Variants in LRCH1 observed in about 807,000 individuals in gnomAD.
The protein encoded by LRCH1 is leucine-rich repeat and calponin homology domain-containing protein 1.
Under a neutral mutation model 94.9 loss-of-function variants are expected in LRCH1, and 23 were observed. The ratio of observed to expected loss-of-function variants is 0.24; its 90% CI spans 0.17 to 0.34. The LOEUF is 0.34. Among genes scored for constraint, LRCH1 ranks in the 10% least tolerant of loss-of-function variants. LRCH1 has a pLI of 1.00. For synonymous variants in LRCH1, 364 were observed against 354.9 expected (o/e 1.03, Z -0.29); for missense variants, 790 against 945.9 (o/e 0.84, Z 2.16).
chr13:46,573,866 A>ATATATATATACATATTGT, intron 1 of LRCH1, among the ~76,000 whole-genome samples: 1 of 63,420 alleles, frequency 1.6e-5, no homozygotes, highest in African/African-American at 5.2e-5. Context: ...ATATATATAT[A>ATATATATATACATATTGT]TTTTTTTTTT....
intron 2 of LRCH1, among the ~76,000 whole-genome samples, chr13:46,667,195 A>T (rs2051528112): frequency 6.6e-6 from 1 of 152,118 alleles, no homozygotes; most frequent in South Asian, 2.1e-4. Context: ...TCTTGCTAAA[A>T]CATAGTTACA....
intron 5 of LRCH1, among the ~76,000 whole-genome samples, chr13:46,686,952 A>ATTTTTTTTTTTTTT (rs71077916): frequency 4.7e-5 from 4 of 85,436 alleles, no homozygotes; most frequent in Admixed American, 1.7e-4. Context: ...GAGTATATTG[A>ATTTTTTTTTTTTTT]TTTTTTTTTT....
intron 1 of LRCH1, among the ~76,000 whole-genome samples, chr13:46,571,063 C>G (rs186440753): frequency 6.6e-6 from 1 of 152,244 alleles, no homozygotes; most frequent in African/African-American, 2.4e-5. Flanking sequence ...TGCTGAAATT[C>G]ACCCTAGAGT....
chr13:46,598,982 C>G (rs2050597384), intron 1 of LRCH1, among the ~76,000 whole-genome samples: 1 of 152,180 alleles, frequency 6.6e-6, no homozygotes, highest in South Asian at 2.1e-4. Context: ...CATTAAATGA[C>G]TCTTCATCTC....
chr13:46,684,556 A>G (rs537627335), intron 4 of LRCH1, among the ~76,000 whole-genome samples: 2 of 152,338 alleles, frequency 1.3e-5, no homozygotes, highest in Middle Eastern at 3.4e-3. Context: ...GCTAACTTTA[A>G]TTAACCATCT....
intron 1 of LRCH1, among the ~76,000 whole-genome samples, chr13:46,607,519 G>A (rs1218067604): frequency 3.9e-5 from 6 of 152,142 alleles, no homozygotes; most frequent in Admixed American, 3.9e-4. Flanking sequence ...AATACCATGT[G>A]CATAAATGAT....
intron 1 of LRCH1, among the ~76,000 whole-genome samples, chr13:46,630,686 GC>G (rs1469982903): frequency 1.3e-5 from 2 of 152,188 alleles, no homozygotes; most frequent in Non-Finnish European, 2.9e-5. Context: ...ATTATACTGA[GC>G]CTTGAGGATT....
At chr13:46,659,163 G>GATTTATTTATTT (rs67901139) in intron 2 of LRCH1, among the ~76,000 whole-genome samples, 12 of 149,002 alleles carry the variant, frequency 8.1e-5, no homozygotes, top group African/African-American at 2.5e-4. Context: ...AAATACTTCA[G>GATTTATTTATTT]ATTTATTTAT....
At chr13:46,736,116 C>T (rs1873369151) in intron 19 of LRCH1, among the ~76,000 whole-genome samples, 1 of 38,630 alleles carries the variant, frequency 2.6e-5, no homozygotes, top group South Asian at 1.1e-3. Context: ...TTCAAATTTG[C>T]TCTGTGTGTG....
intron 16 of LRCH1, among the ~76,000 whole-genome samples, chr13:46,715,886 G>C (rs1872296541): frequency 6.6e-6 from 1 of 151,962 alleles, no homozygotes; most frequent in African/African-American, 2.4e-5. Context: ...TCTGGATTTG[G>C]GGAAGGCATT....
intron 15 of LRCH1, among the ~76,000 whole-genome samples, chr13:46,713,658 A>C (rs1207696528): frequency 6.6e-6 from 1 of 152,234 alleles, no homozygotes; most frequent in Non-Finnish European, 1.5e-5. Context: ...ATGGAGAGCC[A>C]AATTTTACAT....
At chr13:46,684,210 T>C (rs889518062) in intron 4 of LRCH1, among the ~76,000 whole-genome samples, 1 of 151,180 alleles carries the variant, frequency 6.6e-6, no homozygotes, top group Non-Finnish European at 1.5e-5. Context: ...TTTGTTCTTC[T>C]GCTTCTTTTT....
chr13:46,556,207 C>T (rs965685659), intron 1 of LRCH1, among the ~76,000 whole-genome samples: 1 of 152,138 alleles, frequency 6.6e-6, no homozygotes, highest in Non-Finnish European at 1.5e-5. Flanking sequence ...ATATTACAGG[C>T]CATTTGGTTT....
chr13:46,705,244 T>A (rs1326209388), intron 12 of LRCH1, 24 bp from the exon 13 acceptor site: 1 of 1,602,872 alleles, frequency 6.2e-7, no homozygotes, highest in Non-Finnish European at 8.5e-7. Context: ...TTGTATCTTT[T>A]TTTTTCTTTC....
Position 46,685,890 on chromosome 13 carries a change from T to C in LRCH1, c.686-15T>C, listed in dbSNP as rs762870456. 6.6e-7 allele frequency: 1 copy of C among 1,507,760 alleles called. No individual in the cohort carries two copies. The highest frequency in any genetic ancestry group is 8.9e-7 in the Non-Finnish European group (1 of 1,126,766). 93.4% of individuals were successfully genotyped at this position (1,507,760 alleles called of 1,614,324 possible). On this transcript the variant is annotated splice_polypyrimidine_tract_variant and intron_variant, in intron 4 of 19. Transcript: ENST00000389797. The stretch of plus-strand genomic sequence containing the variant: ...AGGTTTTTTCTTTCTTTTTTTCTTT[T>C]TTCTATTATTTTAGAACTAGTAGAT...
intron 16 of LRCH1, among the ~76,000 whole-genome samples, chr13:46,720,592 A>C (rs138683539): frequency 2.2e-3 from 333 of 151,402 alleles, no homozygotes; most frequent in African/African-American, 7.8e-3. Context: ...CTCTGGATTA[A>C]GTAAGGGAGC....
chr13:46,647,547 T>A (rs2051237892), intron 1 of LRCH1, among the ~76,000 whole-genome samples: 1 of 152,228 alleles, frequency 6.6e-6, no homozygotes, highest in Non-Finnish European at 1.5e-5. Flanking sequence ...TGTAGAACTT[T>A]CCATCCTCCC....
At chr13:46,625,390 G>T (rs1440861419) in intron 1 of LRCH1, among the ~76,000 whole-genome samples, 16 of 152,226 alleles carry the variant, frequency 1.1e-4, no homozygotes, top group African/African-American at 3.9e-4. Context: ...ATGGTATTAG[G>T]AGATGGGGCC....
chr13:46,714,736 A>G (rs983241299), intron 15 of LRCH1, among the ~76,000 whole-genome samples: 5 of 152,174 alleles, frequency 3.3e-5, no homozygotes, highest in African/African-American at 1.2e-4. Flanking sequence ...AATAATATAG[A>G]TATTTCCTAA....
Sources: gnomAD v4.1 joint callset for allele counts (sites outside exome capture counted in the v4.1 genomes callset) on GRCh38, gnomAD v4.1.1 for gene constraint, MANE v1.5 for transcripts, NCBI Gene and HGNC (gene_info 2026-07-23, HGNC 2026-07-21) for gene names.